Variants in ITPK1 observed in about 807,000 individuals in gnomAD.
ITPK1 encodes the protein inositol 1,3,4-trisphosphate 5/6-kinase.
A neutral mutation model predicts 45.3 loss-of-function variants in ITPK1; 21 were observed. The observed-to-expected ratio is 0.46, with a 90% CI of 0.33 to 0.67. ITPK1 has a LOEUF of 0.67. ITPK1 is among the 30% of genes least tolerant of loss of function. ITPK1 has a pLI of 0.02. For missense variants in ITPK1, 474 were observed against 573.5 expected (o/e 0.83, Z 1.77); for synonymous variants, 258 against 253.6 (o/e 1.02, Z -0.16).
chr14:93,085,774 C>T (rs964434264), intron 2 of ITPK1, among the ~76,000 whole-genome samples: 5 of 152,210 alleles, frequency 3.3e-5, no homozygotes, highest in Non-Finnish European at 5.9e-5. Context: ...TAATGGCTCT[C>T]GACATCCCCG....
At chr14:93,017,967 G>A (rs1229642881) in intron 3 of ITPK1, among the ~76,000 whole-genome samples, 1 of 152,224 alleles carries the variant, frequency 6.6e-6, no homozygotes. Context: ...ACAGCAGGAA[G>A]GCGGTGAAGT....
intron 3 of ITPK1, among the ~76,000 whole-genome samples, chr14:93,065,875 C>T (rs1890723401): frequency 6.6e-6 from 1 of 152,192 alleles, no homozygotes; most frequent in Non-Finnish European, 1.5e-5. Flanking sequence ...ACAGCAATTT[C>T]CAAGGTGTTT....
At chr14:92,944,720 C>T (rs1887598995) in intron 10 of ITPK1, among the ~76,000 whole-genome samples, 2 of 152,158 alleles carry the variant, frequency 1.3e-5, no homozygotes, top group Non-Finnish European at 2.9e-5. Flanking sequence ...CCTGAACGTC[C>T]CTTGCATTAT....
intron 5 of ITPK1, among the ~76,000 whole-genome samples, chr14:92,966,364 G>T (rs1885358523): frequency 6.6e-6 from 1 of 152,006 alleles, no homozygotes; most frequent in East Asian, 1.9e-4. Context: ...ATTTATAAAA[G>T]CATCAAAAAG....
chr14:93,112,683 C>T lies in ITPK1; in HGVS notation c.95+2386G>A, dbSNP rs574388720. 5.3e-5 allele frequency among the ~76,000 whole-genome samples: 8 copies of T among 152,016 alleles called. No individual in the cohort carries two copies. The South Asian group carries it at 1.2e-3, about 24-fold the overall frequency. ...TCGATCTCCTGACCTCGTGACCCAC[C>T]CACCTTGGACTCCCAAAGTGCTGGG... is the stretch of plus-strand genomic sequence containing the variant. On this transcript the variant is annotated intron_variant, in intron 2 of 10. Transcript: ENST00000267615.
At position 92,958,443 on chromosome 14, in the gene ITPK1, TCCA is replaced by T; in HGVS notation, c.505-80_505-78del. 8 of 1,430,304 alleles carry T rather than the reference TCCA, an allele frequency of 5.6e-6. No individual in the cohort carries two copies. The highest frequency in any genetic ancestry group is 1.4e-5 in the African/African-American group (1 of 71,348). The allele number at this position is 1,430,304 out of a possible 1,614,324, so 88.6% of individuals were successfully genotyped here. A position where few individuals can be genotyped will look rare whatever the true frequency, so the allele number is the denominator to read the frequency against. ...CTCCAACACACAGGTGTGTCACCTGTCCAGAGCACCTCCACCAAGGCCCATCCC... is the reference window on the plus strand; with the variant it reads ...CTCCAACACACAGGTGTGTCACCTGTGAGCACCTCCACCAAGGCCCATCCC... On this transcript the variant is annotated intron_variant, in intron 7 of 10. Transcript: ENST00000267615. This position sits in a 1 kb window ranked among gnomAD's most constrained non-coding sequence, Gnocchi z 4.4.
chr14:92,987,898 A>C (rs986563511), intron 5 of ITPK1, among the ~76,000 whole-genome samples: 3 of 152,156 alleles, frequency 2.0e-5, no homozygotes, highest in Non-Finnish European at 4.4e-5. Context: ...ACGCAGACTC[A>C]GACCAGGGCT....
chr14:92,938,372 T>C lies in ITPK1; in HGVS notation c.*3189A>G. On this transcript the variant is annotated 3_prime_UTR_variant, in exon 11 of 11. Transcript: ENST00000267615. ...AGTGCCCAAGAGCCAAGAACTGGTCTTCCAGGCTAGAAGGACAAACGACAG... is the reference window on the plus strand; with the variant it reads ...AGTGCCCAAGAGCCAAGAACTGGTCCTCCAGGCTAGAAGGACAAACGACAG... 1 of 831,990 alleles carries C rather than the reference T, an allele frequency of 1.2e-6. No individual in the cohort carries two copies. Among genetic ancestry groups the C allele is most frequent in the South Asian group, 1.4e-5 (1 of 70,508 alleles). 51.5% of individuals were successfully genotyped at this position (831,990 alleles called of 1,614,324 possible). A position where few individuals can be genotyped will look rare whatever the true frequency, so the allele number is the denominator to read the frequency against.
In ITPK1 at chr14:93,014,614, T is replaced by C. The variant is rs1888081698; in HGVS notation, c.246+2062A>G. Among the ~76,000 whole-genome samples, 2 of 152,210 alleles carry C rather than the reference T, an allele frequency of 1.3e-5. No homozygotes were observed. Among genetic ancestry groups the C allele is most frequent in the Non-Finnish European group, 2.9e-5 (2 of 68,022 alleles). ...GTTCCTAAGTTTTGGAACAAGGATC[T>C]GCCTTGAAGACAGTTTGACTCCCAA... On this transcript the variant is annotated intron_variant, in intron 4 of 10. Transcript: ENST00000267615. The surrounding 1 kb of genome is among the most constrained non-coding windows in gnomAD (Gnocchi z 4.4).
At chr14:92,944,391 C>G (rs1357267261) in intron 10 of ITPK1, among the ~76,000 whole-genome samples, 1 of 152,142 alleles carries the variant, frequency 6.6e-6, no homozygotes, top group Non-Finnish European at 1.5e-5. Context: ...ATAGTCCCAC[C>G]CCATCTGGGT....
intron 5 of ITPK1, among the ~76,000 whole-genome samples, chr14:92,979,630 G>T (rs1555363643): frequency 6.6e-6 from 1 of 151,940 alleles, no homozygotes; most frequent in Non-Finnish European, 1.5e-5. Flanking sequence ...TTCCCCTTTT[G>T]CTCTGTTTCT....
rs1176902953 is a variant in ITPK1, at chr14:92,939,680, CCG to C, written c.*1879_*1880del. ...ATCTGGGCCCTGGACGCGCAAGACC[CCG>C]GAGGCCACAAACGGTACAGGAACAC... On this transcript the variant is annotated 3_prime_UTR_variant, in exon 11 of 11. Transcript: ENST00000267615. 2.0e-6 allele frequency: 2 copies of C among 985,268 alleles called. No individual in the cohort carries two copies. Among genetic ancestry groups the C allele is most frequent in the African/African-American group, 3.5e-5 (2 of 57,180 alleles). The allele number at this position is 985,268 out of a possible 1,614,324, so 61.0% of individuals were successfully genotyped here.
intron 2 of ITPK1, among the ~76,000 whole-genome samples, chr14:93,084,722 G>A (rs551912558): frequency 2.6e-5 from 4 of 152,238 alleles, no homozygotes; most frequent in African/African-American, 9.6e-5. Flanking sequence ...CAGAAGACAC[G>A]AGGGGGAGGC....
At chr14:93,089,477 C>T (rs908921814) in intron 2 of ITPK1, among the ~76,000 whole-genome samples, 8 of 152,088 alleles carry the variant, frequency 5.3e-5, no homozygotes, top group Non-Finnish European at 8.8e-5. Flanking sequence ...GTGATGAGCA[C>T]CCCGTGACAA....
intron 4 of ITPK1, among the ~76,000 whole-genome samples, chr14:93,006,749 C>CA (rs1887634736): frequency 6.6e-6 from 1 of 152,080 alleles, no homozygotes; most frequent in Non-Finnish European, 1.5e-5. Flanking sequence ...GTGTTCAGGC[C>CA]AAAAAATAAC....
chr14:92,962,533 G>A, intron 6 of ITPK1, 138 bp from the exon 7 acceptor site: 1 of 759,662 alleles, frequency 1.3e-6, no homozygotes, highest in Non-Finnish European at 2.4e-6. Context: ...AGGGTGACGT[G>A]TGGGTAGACA....
At chr14:93,072,131 TAA>T (rs34502960) in intron 3 of ITPK1, 1,570 of 124,592 alleles carry the variant, frequency 0.013, 27 homozygotes, top group African/African-American at 0.043. Context: ...CATCTCTACT[TAA>T]AAAAAAAAAA....
chr14:93,101,917 C>T (rs539592056), intron 2 of ITPK1, among the ~76,000 whole-genome samples: 2 of 152,326 alleles, frequency 1.3e-5, no homozygotes, highest in South Asian at 4.1e-4. Flanking sequence ...GGACTGACAG[C>T]TTCAAAGAGC....
Position 93,063,276 on chromosome 14 carries a change from C to T in ITPK1, c.120+13319G>A, listed in dbSNP as rs1890608029. ...GCCAAGGTCTGCCTCCAAGCCAGGA[C>T]CCACACCCTCCTGCCCAGGGACCCC... On this transcript the variant is annotated intron_variant, in intron 3 of 10. Coordinates refer to ENST00000267615, the MANE Select transcript of ITPK1 (RefSeq NM_014216.6). The surrounding 1 kb of genome is among the most constrained non-coding windows in gnomAD (Gnocchi z 4.3). Among the ~76,000 whole-genome samples, 2 of 152,192 alleles carry T rather than the reference C, an allele frequency of 1.3e-5. No individual in the cohort carries two copies. Among genetic ancestry groups the T allele is most frequent in the Admixed American group, 6.5e-5 (1 of 15,288 alleles).
Sources: allele counts gnomAD v4.1 joint callset (sites outside exome capture counted in the v4.1 genomes callset), GRCh38; gene constraint gnomAD v4.1.1; non-coding constraint Gnocchi (gnomAD v3.1); transcripts MANE v1.5; gene names NCBI Gene and HGNC (gene_info 2026-07-23, HGNC 2026-07-21).